The following DRC9 variants were observed in gnomAD, a reference collection of about 807,000 sequenced individuals.
DRC9 encodes dynein regulatory complex protein 9.
the DRC9 span, chr3:197,891,647 T>C: frequency 3.6e-6 from 2 of 554,370 alleles, no homozygotes; most frequent in East Asian, 3.0e-5. Context: ...AAATAAAACA[T>C]GCTCAATCTA....
the DRC9 span, among the ~76,000 whole-genome samples, chr3:197,910,578 C>T: frequency 6.6e-6 from 1 of 152,230 alleles, no homozygotes; most frequent in Non-Finnish European, 1.5e-5. Flanking sequence ...TTTAACCACA[C>T]ATTTGGAATC....
At chr3:197,900,157 C>T in the DRC9 span, among the ~76,000 whole-genome samples, 2 of 152,214 alleles carry the variant, frequency 1.3e-5, no homozygotes, top group African/African-American at 4.8e-5. This position sits in a 1 kb window ranked among gnomAD's most constrained non-coding sequence, Gnocchi z 4.7. Flanking sequence ...GGCTACGCCG[C>T]TCTGGGGTCC....
the DRC9 span, among the ~76,000 whole-genome samples, chr3:197,946,688 C>A: frequency 6.6e-6 from 1 of 152,140 alleles, no homozygotes; most frequent in African/African-American, 2.4e-5. Context: ...AAAAATCTTA[C>A]ATGCAAAAAT....
At chr3:197,891,324 T>C in the DRC9 span, 3 of 583,140 alleles carry the variant, frequency 5.1e-6, no homozygotes, top group Non-Finnish European at 6.2e-6. Flanking sequence ...CAAAAGTCCA[T>C]GCTTCTTCTC....
chr3:197,942,127 A>G, the DRC9 span, among the ~76,000 whole-genome samples: 3 of 152,182 alleles, frequency 2.0e-5, no homozygotes, highest in East Asian at 5.8e-4. Flanking sequence ...TACAACTTAC[A>G]AATGAGAAAA....
the DRC9 span, among the ~76,000 whole-genome samples, chr3:197,900,098 C>T: frequency 4.6e-5 from 7 of 152,332 alleles, no homozygotes; most frequent in East Asian, 9.6e-4. This position sits in a 1 kb window ranked among gnomAD's most constrained non-coding sequence, Gnocchi z 4.7. Flanking sequence ...AGAGGAGAAC[C>T]GCCCAGCCTA....
chr3:197,941,916 T>C, the DRC9 span, among the ~76,000 whole-genome samples: 69 of 152,314 alleles, frequency 4.5e-4, no homozygotes, highest in Middle Eastern at 0.01. Context: ...CCAGCTTAAA[T>C]TGTTAAGATT....
At chr3:197,889,448 G>T in the DRC9 span, 11 of 1,037,160 alleles carry the variant, frequency 1.1e-5, no homozygotes, top group African/African-American at 1.8e-4. Flanking sequence ...AGTGAAATCA[G>T]GCTTCCCTGG....
At chr3:197,934,897 G>A in the DRC9 span, among the ~76,000 whole-genome samples, 1 of 151,642 alleles carries the variant, frequency 6.6e-6, no homozygotes, top group African/African-American at 2.4e-5. Flanking sequence ...AGGTGGGAGG[G>A]TCGTTTGAGG....
chr3:197,954,006 C>T, the DRC9 span: 1 of 1,612,754 alleles, frequency 6.2e-7, no homozygotes, highest in South Asian at 1.1e-5. Flanking sequence ...AAATCAGCAA[C>T]ACAGTCACTC....
chr3:197,937,767 G>A, the DRC9 span, among the ~76,000 whole-genome samples: 1 of 151,664 alleles, frequency 6.6e-6, no homozygotes, highest in Non-Finnish European at 1.5e-5. Context: ...TTGAGCCCCC[G>A]CGCCCAGCCC....
the DRC9 span, among the ~76,000 whole-genome samples, chr3:197,928,642 G>A: frequency 6.6e-6 from 1 of 152,118 alleles, no homozygotes; most frequent in Non-Finnish European, 1.5e-5. Context: ...GAGCCACCAT[G>A]CCTAGCCCTC....
chr3:197,938,615 C>A, the DRC9 span: 1 of 1,614,006 alleles, frequency 6.2e-7, no homozygotes, highest in Non-Finnish European at 8.5e-7. Context: ...TTTTTGAAGA[C>A]AAGATCCTGC....
At chr3:197,918,039 TCTC>T in the DRC9 span, among the ~76,000 whole-genome samples, 1 of 150,776 alleles carries the variant, frequency 6.6e-6, no homozygotes, top group Non-Finnish European at 1.5e-5. Flanking sequence ...CCAGCCCATT[TCTC>T]CTCCTTCTTC....
At chr3:197,903,831 CGA>C in the DRC9 span, among the ~76,000 whole-genome samples, 1 of 151,490 alleles carries the variant, frequency 6.6e-6, no homozygotes, top group Non-Finnish European at 1.5e-5. Flanking sequence ...CCAAAAGGGC[CGA>C]GTGTAGTCAC....
chr3:197,953,316 C>T, the DRC9 span, among the ~76,000 whole-genome samples: 1 of 152,164 alleles, frequency 6.6e-6, no homozygotes, highest in Non-Finnish European at 1.5e-5. Context: ...ATAGAGGCTG[C>T]AGTGAGCTAT....
chr3:197,920,832 T>A, the DRC9 span, among the ~76,000 whole-genome samples: 2 of 152,186 alleles, frequency 1.3e-5, no homozygotes, highest in African/African-American at 4.8e-5. Context: ...AGTCTGAAAC[T>A]TTTTTTGCTT....
the DRC9 span, among the ~76,000 whole-genome samples, chr3:197,900,098 C>A: frequency 6.6e-6 from 1 of 152,216 alleles, no homozygotes; most frequent in Non-Finnish European, 1.5e-5. This position sits in a 1 kb window ranked among gnomAD's most constrained non-coding sequence, Gnocchi z 4.7. Flanking sequence ...AGAGGAGAAC[C>A]GCCCAGCCTA....
chr3:197,914,043 C>G, the DRC9 span: 1 of 1,613,578 alleles, frequency 6.2e-7, no homozygotes, highest in South Asian at 1.1e-5. Context: ...CATTCTGACT[C>G]TGTAGTGGAA....
Sources: gnomAD v4.1 joint callset for allele counts (sites outside exome capture counted in the v4.1 genomes callset) on GRCh38, gnomAD v4.1.1 for gene constraint, Gnocchi (gnomAD v3.1) non-coding constraint, MANE v1.5 for transcripts, NCBI Gene and HGNC (gene_info 2026-07-23, HGNC 2026-07-21) for gene names.